Variants in LIMCH1 observed in about 807,000 individuals in gnomAD.
LIMCH1 encodes the protein LIM and calponin homology domains 1.
In LIMCH1, 113 loss-of-function variants were observed where a neutral mutation model predicts 176.5. That is an observed-to-expected ratio of 0.64 (90% CI 0.55 to 0.75). The LOEUF (loss-of-function observed/expected upper bound fraction) is 0.75, where lower values mean the gene tolerates loss of function less well. LIMCH1 is among the 30% of genes least tolerant of loss of function. LIMCH1 has a pLI of 0.00. For synonymous variants in LIMCH1, 619 were observed against 645.9 expected, an observed-to-expected ratio of 0.96 and a Z score of 0.63; for missense variants, 1,674 against 1,814.9, an observed-to-expected ratio of 0.92 and a Z score of 1.41.
intron 1 of LIMCH1, among the ~76,000 whole-genome samples, chr4:41,432,600 T>A (rs913440226): frequency 6.6e-6 from 1 of 152,224 alleles, no homozygotes; most frequent in African/African-American, 2.4e-5. Context: ...CTATCCTTGT[T>A]GGGAATAGCA....
chr4:41,504,141 C>A (rs893054444), intron 2 of LIMCH1, among the ~76,000 whole-genome samples: 1 of 152,230 alleles, frequency 6.6e-6, no homozygotes, highest in East Asian at 1.9e-4. Flanking sequence ...TCCTCACAAC[C>A]ATTTGCTGTC....
At chr4:41,586,914 A>C (rs536801173) in intron 1 of LIMCH1, among the ~76,000 whole-genome samples, 11 of 152,246 alleles carry the variant, frequency 7.2e-5, no homozygotes, top group African/African-American at 1.2e-4. Flanking sequence ...TGAGCACTCT[A>C]TTTCCCTAAC....
At chr4:41,615,661 G>T (rs551537886) in intron 5 of LIMCH1, among the ~76,000 whole-genome samples, 1 of 152,130 alleles carries the variant, frequency 6.6e-6, no homozygotes, top group Non-Finnish European at 1.5e-5. Context: ...TTTCATAAGC[G>T]TTTATAGTAT....
At chr4:41,364,243 A>G (rs1254193167) in intron 1 of LIMCH1, among the ~76,000 whole-genome samples, 1 of 152,174 alleles carries the variant, frequency 6.6e-6, no homozygotes, top group Non-Finnish European at 1.5e-5. Context: ...AAATGCTTAG[A>G]ACAGTGCCCA....
intron 1 of LIMCH1, among the ~76,000 whole-genome samples, chr4:41,475,685 G>A (rs891036383): frequency 6.6e-6 from 1 of 152,062 alleles, no homozygotes; most frequent in African/African-American, 2.4e-5. Context: ...GACACAGGGA[G>A]GGGAACATCA....
At chr4:41,383,338 G>A (rs777377808) in intron 1 of LIMCH1, among the ~76,000 whole-genome samples, 30 of 152,112 alleles carry the variant, frequency 2.0e-4, no homozygotes, top group South Asian at 4.1e-4. Flanking sequence ...GCTGTAATGG[G>A]GGAAGTAAAG....
At chr4:41,521,096 T>C (rs1229891154) in intron 2 of LIMCH1, among the ~76,000 whole-genome samples, 1 of 152,234 alleles carries the variant, frequency 6.6e-6, no homozygotes, top group Non-Finnish European at 1.5e-5. Flanking sequence ...CCACCTGGTG[T>C]TGATATTATC....
Position 41,685,800 on chromosome 4 carries a change from A to G in LIMCH1, c.4058A>G (p.His1353Arg), listed in dbSNP as rs1720268727. ...CTCCCGCTGGATAAAAGCATTAACC[A>G]TCAGATCGAGTCTCCCAGTGAAAGG... ...KTLPLDKSIN[H>R]QIESPSERRK... The change falls in exon 28 of 32, where the codon CAT becomes CGT. Residue 1353 changes from histidine to arginine, a missense_variant. Physicochemically the swap from His to Arg is conservative, Grantham distance 29. Transcript: ENST00000503057. The G allele has an allele frequency of 3.1e-6, 5 of 1,613,432 alleles. No homozygotes were observed. The highest frequency in any genetic ancestry group is 3.3e-5 in the Admixed American group (2 of 59,956).
intron 1 of LIMCH1, among the ~76,000 whole-genome samples, chr4:41,368,307 T>C (rs923083636): frequency 6.6e-6 from 1 of 152,216 alleles, no homozygotes; most frequent in Non-Finnish European, 1.5e-5. Context: ...TGAAAAGTGT[T>C]TACTGAGCTC....
At chr4:41,488,135 CT>C (rs2070050282) in intron 1 of LIMCH1, among the ~76,000 whole-genome samples, 1 of 152,092 alleles carries the variant, frequency 6.6e-6, no homozygotes, top group African/African-American at 2.4e-5. Context: ...TGTAGCTAAA[CT>C]TTGTTGGGCT....
intron 1 of LIMCH1, among the ~76,000 whole-genome samples, chr4:41,428,990 G>A (rs1369708926): frequency 1.3e-5 from 2 of 152,128 alleles, no homozygotes; most frequent in Admixed American, 1.3e-4. Flanking sequence ...CTCTTTCGAA[G>A]TTGCCTGTGA....
intron 2 of LIMCH1, among the ~76,000 whole-genome samples, chr4:41,520,374 T>C (rs1442930701): frequency 6.6e-6 from 1 of 152,218 alleles, no homozygotes; most frequent in African/African-American, 2.4e-5. Flanking sequence ...TCTCGTTGGC[T>C]AAAGTCTCTT....
chr4:41,365,343 T>C (rs1235253112), intron 1 of LIMCH1, among the ~76,000 whole-genome samples: 1 of 152,244 alleles, frequency 6.6e-6, no homozygotes, highest in Non-Finnish European at 1.5e-5. Context: ...CTTATTCAGC[T>C]GGGACCTAAT....
At chr4:41,382,870 C>T (rs575935858) in intron 1 of LIMCH1, among the ~76,000 whole-genome samples, 12 of 152,298 alleles carry the variant, frequency 7.9e-5, no homozygotes, top group African/African-American at 2.2e-4. Context: ...TGGCTCACTG[C>T]AGCCTCGACC....
chr4:41,419,604 GTCCTTCCTTCCT>G lies in LIMCH1; in HGVS notation c.96+58689_96+58700del, dbSNP rs771746018. Among the ~76,000 whole-genome samples the G allele has an allele frequency of 2.9e-3, 137 of 47,292 alleles. 5 individuals are homozygous for G. The East Asian group carries it at 0.063, about 22-fold the overall frequency. The allele number at this position is 47,292 out of a possible 152,430, so 31.0% of individuals were successfully genotyped here. The stretch of plus-strand genomic sequence containing the variant: ...CTTCCTTCCTTCCTTCCTTCCTTCC[GTCCTTCCTTCCT>G]TCCTTCCTTCCTTCCTTCCTCCTTC... On this transcript the variant is annotated intron_variant, in intron 1 of 26. Transcript: ENST00000313860.
intron 1 of LIMCH1, among the ~76,000 whole-genome samples, chr4:41,429,379 C>G (rs73810240): frequency 1.3e-5 from 2 of 151,962 alleles, no homozygotes; most frequent in Non-Finnish European, 2.9e-5. Flanking sequence ...GAAGGGTACT[C>G]ATTTCTGAGG....
At chr4:41,571,186 G>C (rs1246073122) in intron 1 of LIMCH1, among the ~76,000 whole-genome samples, 1 of 152,048 alleles carries the variant, frequency 6.6e-6, no homozygotes, top group African/African-American at 2.4e-5. Flanking sequence ...TTGGAGGACT[G>C]TTCGTTAGGG....
At chr4:41,587,669 C>T (rs1280036136) in intron 1 of LIMCH1, among the ~76,000 whole-genome samples, 1 of 151,556 alleles carries the variant, frequency 6.6e-6, no homozygotes, top group African/African-American at 2.4e-5. Flanking sequence ...CAATATATGC[C>T]TATTTACATC....
intron 1 of LIMCH1, among the ~76,000 whole-genome samples, chr4:41,494,378 CACAT>C (rs1224639607): frequency 8.0e-5 from 12 of 150,210 alleles, no homozygotes; most frequent in African/African-American, 2.7e-4. Flanking sequence ...TACATATATA[CACAT>C]ACATACATAT....
Sources: gnomAD v4.1 joint callset for allele counts (sites outside exome capture counted in the v4.1 genomes callset) on GRCh38, gnomAD v4.1.1 for gene constraint, MANE v1.5 for transcripts, NCBI Gene and HGNC (gene_info 2026-07-23, HGNC 2026-07-21) for gene names.